GREB1L: variants seen among roughly 807,000 people sequenced by gnomAD.
The protein encoded by GREB1L is GREB1-like protein.
A neutral mutation model predicts 200.8 loss-of-function variants in GREB1L; 17 were observed. That is an observed-to-expected ratio of 0.08 (90% confidence interval 0.06 to 0.13). GREB1L has a LOEUF of 0.13. Ranked by LOEUF, GREB1L falls within the 10% of genes least tolerant of loss-of-function variation. The probability of loss-of-function intolerance (pLI) is 1.00; values close to 1 mark genes in which losing one functional copy is unlikely to be tolerated. For missense variants in GREB1L, 1,657 were observed against 2,367.7 expected, an observed-to-expected ratio of 0.70 and a Z score of 6.23; for synonymous variants, 789 against 893.0, an observed-to-expected ratio of 0.88 and a Z score of 2.08.
intron 1 of GREB1L, among the ~76,000 whole-genome samples, chr18:21,291,080 T>C (rs2038441877): frequency 6.6e-6 from 1 of 152,148 alleles, no homozygotes; most frequent in African/African-American, 2.4e-5. Flanking sequence ...AATTAATTTC[T>C]AGGCCAATAT....
chr18:21,495,625 C>T (rs2036515469), intron 19 of GREB1L, 45 bp from the exon 20 acceptor site: 1 of 1,077,676 alleles, frequency 9.3e-7, no homozygotes, highest in Non-Finnish European at 1.4e-6. Context: ...AAGGTGGAAA[C>T]TTAAATGAGA....
chr18:21,371,215 G>A (rs2039859558), intron 2 of GREB1L, among the ~76,000 whole-genome samples: 1 of 152,038 alleles, frequency 6.6e-6, no homozygotes, highest in African/African-American at 2.4e-5. Flanking sequence ...GAATATGAAC[G>A]TTTTCATTAT....
chr18:21,406,822 T>C (rs2030299047), intron 7 of GREB1L, among the ~76,000 whole-genome samples: 1 of 152,116 alleles, frequency 6.6e-6, no homozygotes, highest in Admixed American at 6.6e-5. Context: ...ATATATTCTG[T>C]TCTGGCTGGG....
chr18:21,449,909 A>G, intron 12 of GREB1L, 73 bp downstream of exon 12: 1 of 1,217,306 alleles, frequency 8.2e-7, no homozygotes, highest in Non-Finnish European at 1.1e-6. Context: ...AATGTGTGTT[A>G]TGTGTTTCAG....
intron 11 of GREB1L, among the ~76,000 whole-genome samples, chr18:21,446,665 A>C (rs1480273683): frequency 6.6e-6 from 1 of 152,100 alleles, no homozygotes; most frequent in African/African-American, 2.4e-5. Context: ...TTATTTATTT[A>C]TTTCTTTATT....
chr18:21,479,025 G>T (rs938471438), intron 17 of GREB1L, among the ~76,000 whole-genome samples: 2 of 152,040 alleles, frequency 1.3e-5, no homozygotes, highest in Non-Finnish European at 2.9e-5. Context: ...GAGATTACAG[G>T]TGCTCGCCAC....
chr18:21,514,983 C>A (rs2037367499), intron 28 of GREB1L, among the ~76,000 whole-genome samples: 1 of 152,218 alleles, frequency 6.6e-6, no homozygotes, highest in South Asian at 2.1e-4. Context: ...ACTGTGCCAG[C>A]TGACCTTTAA....
At chr18:21,508,987 C>A (rs931545784) in intron 27 of GREB1L, among the ~76,000 whole-genome samples, 1 of 152,094 alleles carries the variant, frequency 6.6e-6, no homozygotes, top group African/African-American at 2.4e-5. Context: ...AAGAGGGGCC[C>A]CTAGGTCATC....
At chr18:21,379,117 AGAGATT>A (rs1418655180) in intron 2 of GREB1L, among the ~76,000 whole-genome samples, 1 of 152,196 alleles carries the variant, frequency 6.6e-6, no homozygotes, top group African/African-American at 2.4e-5. Context: ...TCTAAGTTGA[AGAGATT>A]GAGATTATGT....
intron 1 of GREB1L, among the ~76,000 whole-genome samples, chr18:21,274,179 T>C (rs2038124211): frequency 1.3e-5 from 2 of 152,178 alleles, no homozygotes; most frequent in Non-Finnish European, 2.9e-5. Context: ...TCTAGCTGTA[T>C]CCTCACATGG....
chr18:21,488,802 G>A lies in GREB1L; in HGVS notation c.2691-1210G>A, dbSNP rs191520953. Among the ~76,000 whole-genome samples the A allele has an allele frequency of 8.4e-3, 1,275 of 152,020 alleles. 14 individuals are homozygous for A. Among genetic ancestry groups the A allele is most frequent in the African/African-American group, 0.029 (1,214 of 41,456 alleles). On this transcript the variant is annotated intron_variant, in intron 18 of 32. Transcript: ENST00000424526. ...CTCCCAAGTAGCTGGGATTACAGGC[G>A]CCCGCCACCACACCCAGCTAATTTT...
At chr18:21,487,973 T>C (rs1182338773) in intron 18 of GREB1L, among the ~76,000 whole-genome samples, 2 of 150,746 alleles carry the variant, frequency 1.3e-5, no homozygotes, top group African/African-American at 2.5e-5. Flanking sequence ...ATTGCGCCAT[T>C]GCACTCCAGT....
At chr18:21,290,824 C>CAAAA (rs752840997) in intron 1 of GREB1L, among the ~76,000 whole-genome samples, 10 of 63,190 alleles carry the variant, frequency 1.6e-4, no homozygotes, top group Admixed American at 3.5e-4. Context: ...GACTCTGTCT[C>CAAAA]AAAAAAAAAA....
At chr18:21,387,216 T>C (rs1353576072) in intron 4 of GREB1L, among the ~76,000 whole-genome samples, 1 of 152,224 alleles carries the variant, frequency 6.6e-6, no homozygotes, top group East Asian at 1.9e-4. Context: ...TTTGTGTTTA[T>C]AGCTGGTTCT....
At chr18:21,275,917 T>C (rs2038155785) in intron 1 of GREB1L, among the ~76,000 whole-genome samples, 1 of 152,188 alleles carries the variant, frequency 6.6e-6, no homozygotes, top group Non-Finnish European at 1.5e-5. Flanking sequence ...AAACCAGCGA[T>C]GTTTAGTCTC....
At chr18:21,343,050 C>CT (rs2039291065) in intron 1 of GREB1L, among the ~76,000 whole-genome samples, 1 of 151,842 alleles carries the variant, frequency 6.6e-6, no homozygotes. Flanking sequence ...AAAACAAAAA[C>CT]TGTGTGACTG....
intron 17 of GREB1L, among the ~76,000 whole-genome samples, chr18:21,482,458 C>T (rs147597101): frequency 5.4e-4 from 82 of 152,146 alleles, no homozygotes; most frequent in African/African-American, 2.0e-3. Flanking sequence ...GGGGTTTCAC[C>T]GTGTTGGCCA....
intron 1 of GREB1L, among the ~76,000 whole-genome samples, chr18:21,312,509 A>G (rs769552558): frequency 2.0e-5 from 3 of 151,664 alleles, no homozygotes; most frequent in Non-Finnish European, 4.4e-5. Flanking sequence ...CCTTTTAGTA[A>G]TAACCATTCT....
chr18:21,491,536 C>T (rs559343973), intron 19 of GREB1L, among the ~76,000 whole-genome samples: 190 of 151,618 alleles, frequency 1.3e-3, no homozygotes, highest in African/African-American at 4.4e-3. Flanking sequence ...GGTGAAACCC[C>T]GTTTTTACTA....
Sources: allele counts gnomAD v4.1 joint callset (sites outside exome capture counted in the v4.1 genomes callset), GRCh38; gene constraint gnomAD v4.1.1; transcripts MANE v1.5; gene names NCBI Gene and HGNC (gene_info 2026-07-23, HGNC 2026-07-21).